NRG3: variants seen among roughly 807,000 people sequenced by gnomAD.
NRG3 encodes neuregulin 3, also known as pro-neuregulin-3, membrane-bound isoform.
In NRG3, 31 loss-of-function variants were observed where a neutral mutation model predicts 66.9. The ratio of observed to expected loss-of-function variants is 0.46; its 90% CI spans 0.35 to 0.63. The LOEUF (loss-of-function observed/expected upper bound fraction) is 0.63. Ranked by LOEUF, NRG3 falls within the 20% of genes least tolerant of loss-of-function variation. NRG3 has a pLI of 0.00. For synonymous variants in NRG3, 393 were observed against 359.4 expected (o/e 1.09, Z -1.06); for missense variants, 910 against 878.9 (o/e 1.04, Z -0.45).
At chr10:82,348,855 T>C (rs529405031) in intron 1 of NRG3, among the ~76,000 whole-genome samples, 3,838 of 149,712 alleles carry the variant, frequency 0.026, 75 homozygotes, top group Non-Finnish European at 0.04. Context: ...TCCAGTTGAT[T>C]GCATCGGCTC....
chr10:82,704,242 C>T (rs1426067287), intron 2 of NRG3, among the ~76,000 whole-genome samples: 4 of 152,150 alleles, frequency 2.6e-5, no homozygotes, highest in Admixed American at 2.6e-4. Context: ...ACAACACACA[C>T]ACACTCACAC....
chr10:82,923,815 C>T (rs529589366), intron 4 of NRG3, among the ~76,000 whole-genome samples: 7 of 151,854 alleles, frequency 4.6e-5, no homozygotes, highest in Non-Finnish European at 7.4e-5. Flanking sequence ...TGTGTGTGCA[C>T]GCATATGTGC....
chr10:82,243,941 C>T (rs999241783), intron 1 of NRG3, among the ~76,000 whole-genome samples: 6 of 152,030 alleles, frequency 3.9e-5, no homozygotes, highest in Non-Finnish European at 5.9e-5. Context: ...GAAGATCTGT[C>T]TGGAAATTTT....
intron 4 of NRG3, among the ~76,000 whole-genome samples, chr10:82,885,659 G>A (rs374624678): frequency 5.9e-5 from 9 of 152,276 alleles, no homozygotes; most frequent in African/African-American, 2.2e-4. Flanking sequence ...TAATCACTGT[G>A]GCTTTCAGGG....
At chr10:82,220,823 A>G (rs2075905734) in intron 1 of NRG3, among the ~76,000 whole-genome samples, 1 of 152,104 alleles carries the variant, frequency 6.6e-6, no homozygotes, top group African/African-American at 2.4e-5. Flanking sequence ...GTGAAATCCT[A>G]TCTCTACAAA....
rs530686844 is a variant in NRG3, at chr10:82,980,949, A to G, written c.1583+1829A>G. Among the ~76,000 whole-genome samples, 11 of 152,358 alleles carry G rather than the reference A, an allele frequency of 7.2e-5. No individual in the cohort carries two copies. In the South Asian group the frequency reaches 2.1e-3, roughly 29 times the overall value. Reference sequence around the variant, plus strand: ...ATGCCTCTTATTAGTGAATATGACTATATACATATACATAAACTCCCTGGG... The same window carrying G: ...ATGCCTCTTATTAGTGAATATGACTGTATACATATACATAAACTCCCTGGG... On this transcript the variant is annotated intron_variant, in intron 8 of 8. Coordinates refer to ENST00000372141, the MANE Select transcript of NRG3 (RefSeq NM_001010848.4).
intron 3 of NRG3, among the ~76,000 whole-genome samples, chr10:82,824,002 A>G (rs73309132): frequency 6.6e-6 from 1 of 152,276 alleles, no homozygotes; most frequent in African/African-American, 2.4e-5. Context: ...CAACAGCAAC[A>G]AAAATCCATA....
chr10:82,842,608 C>A (rs930913332), intron 3 of NRG3, among the ~76,000 whole-genome samples: 7 of 152,150 alleles, frequency 4.6e-5, no homozygotes, highest in African/African-American at 1.7e-4. Context: ...ATGTTATAAT[C>A]CAAGCATCTA....
intron 1 of NRG3, among the ~76,000 whole-genome samples, chr10:82,275,748 A>G (rs1473388801): frequency 6.6e-6 from 1 of 152,060 alleles, no homozygotes; most frequent in Non-Finnish European, 1.5e-5. Context: ...CAAAAATCTT[A>G]AAGATATAAT....
chr10:82,195,631 ACCCCC>A (rs1191533090), intron 1 of NRG3, among the ~76,000 whole-genome samples: 60 of 152,258 alleles, frequency 3.9e-4, no homozygotes, highest in African/African-American at 1.4e-3. Context: ...CCATGCCCCA[ACCCCC>A]AGAACATGTG....
At chr10:82,106,826 C>T (rs1021940321) in intron 1 of NRG3, among the ~76,000 whole-genome samples, 10 of 152,018 alleles carry the variant, frequency 6.6e-5, no homozygotes, top group African/African-American at 1.7e-4. Context: ...ATTTTTTATC[C>T]AGGGATCTAC....
At chr10:82,828,332 C>T (rs1180032163) in intron 3 of NRG3, among the ~76,000 whole-genome samples, 2 of 152,180 alleles carry the variant, frequency 1.3e-5, no homozygotes, top group Non-Finnish European at 2.9e-5. Flanking sequence ...CTTACTTCTG[C>T]CCCCTGCCTA....
rs1844576634 is a variant in NRG3, at chr10:81,906,081, T to C, written c.823+29918T>C. On this transcript the variant is annotated intron_variant, in intron 1 of 8. Transcript: ENST00000372141. ...ATTAAAAGGGTACCTTGTTGTAATGTACTTACCTCACAAAGTTTTTGTAAG... is the reference window on the plus strand; with the variant it reads ...ATTAAAAGGGTACCTTGTTGTAATGCACTTACCTCACAAAGTTTTTGTAAG... Among the ~76,000 whole-genome samples the C allele has an allele frequency of 2.0e-5, 3 of 152,186 alleles. No homozygotes were observed. The East Asian group carries it at 5.8e-4, about 29-fold the overall frequency.
At chr10:82,559,891 CTAAATA>C (rs1174889416) in intron 2 of NRG3, among the ~76,000 whole-genome samples, 3 of 151,784 alleles carry the variant, frequency 2.0e-5, no homozygotes, top group African/African-American at 7.3e-5. Flanking sequence ...CTCTTGAGGC[CTAAATA>C]TAAAGTATTA....
At chr10:82,844,038 A>G (rs1030361906) in intron 3 of NRG3, among the ~76,000 whole-genome samples, 1 of 152,186 alleles carries the variant, frequency 6.6e-6, no homozygotes, top group Non-Finnish European at 1.5e-5. Context: ...ATAAATATAT[A>G]TAAGAACACA....
intron 6 of NRG3, among the ~76,000 whole-genome samples, chr10:82,959,451 C>T (rs1850392734): frequency 6.6e-6 from 1 of 152,092 alleles, no homozygotes; most frequent in East Asian, 1.9e-4. Context: ...ACACAAAAAC[C>T]CCCAGAATCA....
chr10:82,892,622 T>C (rs908997533), intron 4 of NRG3, among the ~76,000 whole-genome samples: 8 of 152,012 alleles, frequency 5.3e-5, no homozygotes, highest in African/African-American at 1.9e-4. Flanking sequence ...CCTGTGATCA[T>C]ACCACTGCAT....
At chr10:82,457,045 T>C (rs918042250) in intron 2 of NRG3, among the ~76,000 whole-genome samples, 1 of 152,160 alleles carries the variant, frequency 6.6e-6, no homozygotes, top group African/African-American at 2.4e-5. Flanking sequence ...TAGGATATCT[T>C]TGAAGTCACC....
intron 3 of NRG3, among the ~76,000 whole-genome samples, chr10:82,758,965 A>T (rs566247358): frequency 1.3e-5 from 2 of 151,922 alleles, no homozygotes; most frequent in African/African-American, 4.8e-5. Context: ...TAACATCTTG[A>T]ACTGCTATGC....
Sources: gnomAD v4.1 joint callset for allele counts (sites outside exome capture counted in the v4.1 genomes callset) on GRCh38, gnomAD v4.1.1 for gene constraint, MANE v1.5 for transcripts, NCBI Gene and HGNC (gene_info 2026-07-23, HGNC 2026-07-21) for gene names.